The following SF3A1 variants were observed in gnomAD, a reference collection of about 807,000 sequenced individuals.
SF3A1 encodes splicing factor 3a subunit 1.
A neutral mutation model predicts 89.9 loss-of-function variants in SF3A1; 13 were observed. That is an observed-to-expected ratio of 0.14 (90% CI 0.09 to 0.23). SF3A1 has a LOEUF of 0.23. SF3A1 is among the 10% of genes least tolerant of loss of function. The probability of loss-of-function intolerance (pLI) is 1.00; values close to 1 mark genes in which losing one functional copy is unlikely to be tolerated. For synonymous variants in SF3A1, 405 were observed against 374.4 expected (o/e 1.08, Z -0.94); for missense variants, 604 against 1,022.1 (o/e 0.59, Z 5.58).
chr22:30,348,894 A>C (rs764373992), intron 2 of SF3A1, among the ~76,000 whole-genome samples: 4 of 152,190 alleles, frequency 2.6e-5, no homozygotes, highest in Non-Finnish European at 4.4e-5. Context: ...TCTGGGAACA[A>C]TCTGAAAAAT....
At position 30,334,484 on chromosome 22, in the gene SF3A1, A is replaced by C; in HGVS notation, c.*110T>G. 3.0e-6 allele frequency: 2 copies of C among 665,876 alleles called. No homozygotes were observed. Among genetic ancestry groups the C allele is most frequent in the Non-Finnish European group, 5.2e-6 (2 of 387,012 alleles). The allele number at this position is 665,876 out of a possible 1,614,324, so 41.2% of individuals were successfully genotyped here. Reference sequence around the variant, plus strand: ...TGAATTCCCAAACTGAGTAAGAGCGAAACAAATATGCAGGCAAGGCAAAGC... The same window carrying C: ...TGAATTCCCAAACTGAGTAAGAGCGCAACAAATATGCAGGCAAGGCAAAGC... On this transcript the variant is annotated 3_prime_UTR_variant, in exon 16 of 16. Coordinates refer to ENST00000215793, the MANE Select transcript of SF3A1 (RefSeq NM_005877.6).
rs747236893 is a variant in SF3A1, at chr22:30,342,204, C to T, written c.873G>A (p.Glu291=). 9.3e-6 allele frequency: 15 copies of T among 1,614,088 alleles called. No homozygotes were observed. In the Admixed American group the frequency reaches 2.5e-4, roughly 27 times the overall value. Residue 291 remains glutamate, a synonymous_variant, in exon 6 of 16, where the codon GAG becomes GAA. Coordinates refer to ENST00000215793, the MANE Select transcript of SF3A1 (RefSeq NM_005877.6). ...VVETVDFQPN[E]QGNFPPPTTP... is the part of the protein sequence containing the mutation. ...AGTCACTCCTCACAGACCTACCTTG[C>T]TCATTGGGTTGGAAGTCCACTGTTT...
rs1485296661 is a variant in SF3A1, at chr22:30,346,396, T to C, written c.309A>G (p.Glu103=). ...YYRHKVSEFK[E]GKAQEPSAAI... ...CGGCGGACGGCTCCTGAGCCTTCCC[T>C]TCCTTGAACTCGCTGACCTTGTGGC... is the stretch of plus-strand genomic sequence containing the variant. The change falls in exon 3 of 16, where the codon GAA becomes GAG. Residue 103 remains glutamate (E), a synonymous_variant. Transcript: ENST00000215793. 6.2e-7 allele frequency: 1 copy of C among 1,614,090 alleles called. No homozygotes were observed. Among genetic ancestry groups the C allele is most frequent in the Non-Finnish European group, 8.5e-7 (1 of 1,179,988 alleles).
rs924964438 is a variant in SF3A1 at position 30,333,938 on chromosome 22, T to C, written c.*656A>G. 1 of 152,226 alleles carries C rather than the reference T, an allele frequency of 6.6e-6. No individual in the cohort carries two copies. The highest frequency in any genetic ancestry group is 2.4e-5 in the African/African-American group (1 of 41,452). The allele number at this position is 152,226 out of a possible 1,614,324, so 9.4% of individuals were successfully genotyped here. On this transcript the variant is annotated 3_prime_UTR_variant, in exon 16 of 16. Transcript: ENST00000215793. ...CTGCACCATCCATCCTTGGTTTGCA[T>C]GGTGCCTGCCATGCTTCCTGTATTA...
At chr22:30,334,808 A>AG (rs2145799122) in intron 15 of SF3A1, 113 bp from the exon 16 acceptor site, 1 of 686,996 alleles carries the variant, frequency 1.5e-6, no homozygotes, top group African/African-American at 1.9e-5. Context: ...CAAATACAGG[A>AG]GCTTGTGAGA....
intron 2 of SF3A1, 104 bp downstream of exon 2, chr22:30,352,847 A>G: frequency 7.0e-7 from 1 of 1,421,170 alleles, no homozygotes; most frequent in Non-Finnish European, 9.6e-7. Context: ...ATGAACTAAA[A>G]GGCCCAAGCC....
chr22:30,346,535 A>C lies in SF3A1; in HGVS notation c.186-16T>G, dbSNP rs764856707. The C allele has an allele frequency of 1.8e-5, 29 of 1,613,580 alleles. No individual in the cohort carries two copies. The highest frequency in any genetic ancestry group is 2.5e-5 in the Non-Finnish European group (29 of 1,179,818). The stretch of plus-strand genomic sequence containing the variant: ...AGGCCCGTTTCTGGAGGAAGAAAAA[A>C]CAACAAGAATAAACACCACTCCCTT... On this transcript the variant is annotated splice_polypyrimidine_tract_variant and intron_variant, in intron 2 of 15. Transcript: ENST00000215793.
intron 3 of SF3A1, among the ~76,000 whole-genome samples, chr22:30,345,952 A>C (rs918995459): frequency 2.0e-5 from 3 of 152,160 alleles, no homozygotes; most frequent in Admixed American, 6.5e-5. Flanking sequence ...TGCATCCTTC[A>C]GCACAGCCAA....
intron 5 of SF3A1, 130 bp from the exon 6 acceptor site, chr22:30,342,480 T>C (rs1931290684): frequency 9.4e-7 from 1 of 1,063,350 alleles, no homozygotes; most frequent in Non-Finnish European, 1.3e-6. Flanking sequence ...TTCCAAACTA[T>C]GGCATTTGCA....
intron 2 of SF3A1, among the ~76,000 whole-genome samples, chr22:30,350,000 G>A (rs1448431556): frequency 6.6e-6 from 1 of 152,128 alleles, no homozygotes; most frequent in Non-Finnish European, 1.5e-5. Flanking sequence ...GCAGAGGATG[G>A]CACAAAATTA....
intron 5 of SF3A1, 157 bp downstream of exon 5, chr22:30,342,648 G>A (rs932800994): frequency 6.3e-6 from 4 of 639,612 alleles, no homozygotes; most frequent in Non-Finnish European, 1.1e-5. Context: ...GGAAGCATCC[G>A]GACTCCAGGT....
intron 4 of SF3A1, 90 bp downstream of exon 4, chr22:30,344,843 C>T (rs1343440279): frequency 6.8e-7 from 1 of 1,471,432 alleles, no homozygotes; most frequent in African/African-American, 1.4e-5. Flanking sequence ...AAGCGATGTC[C>T]TTGTAGACAG....
In SF3A1 at chr22:30,333,436, C is replaced by T. The variant is rs2145797379; in HGVS notation, c.*1158G>A. ...ATCTTCCCAATAAAATCAGCCTTAG[C>T]TTTAAAACCAGGAAATTGTTAGCAA... On this transcript the variant is annotated 3_prime_UTR_variant, in exon 16 of 16. Transcript: ENST00000215793. The T allele has an allele frequency of 6.6e-6, 1 of 152,350 alleles. No individual in the cohort carries two copies. Among genetic ancestry groups the T allele is most frequent in the East Asian group, 1.9e-4 (1 of 5,182 alleles). The allele number at this position is 152,350 out of a possible 1,614,324, so 9.4% of individuals were successfully genotyped here. A position where few individuals can be genotyped will look rare whatever the true frequency, so the allele number is the denominator to read the frequency against.
chr22:30,340,839 C>CAA, intron 7 of SF3A1, 27 bp from the exon 8 acceptor site: 1 of 1,339,944 alleles, frequency 7.5e-7, no homozygotes, highest in African/African-American at 1.5e-5. Context: ...TGGCAGGACT[C>CAA]AGAGAGGGGC....
intron 12 of SF3A1, among the ~76,000 whole-genome samples, chr22:30,337,435 G>A (rs1247645733): frequency 6.6e-6 from 1 of 152,172 alleles, no homozygotes; most frequent in East Asian, 1.9e-4. Flanking sequence ...GCATTTCTCA[G>A]GCCTCTGAGC....
intron 1 of SF3A1, among the ~76,000 whole-genome samples, chr22:30,354,556 T>G (rs1426404693): frequency 6.6e-6 from 1 of 152,184 alleles, no homozygotes; most frequent in African/African-American, 2.4e-5. Flanking sequence ...CAGTTTTTGG[T>G]GTCCTCCACT....
chr22:30,340,408 G>T (rs1931213071), intron 8 of SF3A1, 27 bp from the exon 9 acceptor site: 2 of 1,607,886 alleles, frequency 1.2e-6, no homozygotes, highest in South Asian at 2.2e-5. Flanking sequence ...GTTTCAGTAA[G>T]AACACTGGTG....
At chr22:30,335,779 G>A in intron 13 of SF3A1, 26 bp from the exon 14 acceptor site, 1 of 1,578,568 alleles carries the variant, frequency 6.3e-7, no homozygotes, top group South Asian at 1.1e-5. Context: ...TGGTCATTAT[G>A]CCTAGGGAGC....
intron 4 of SF3A1, among the ~76,000 whole-genome samples, chr22:30,343,243 CCT>C (rs760937874): frequency 1.2e-4 from 19 of 152,174 alleles, no homozygotes; most frequent in East Asian, 3.8e-4. Context: ...GCAGGTCCCC[CCT>C]GACTATCCTA....
Sources: gnomAD v4.1 joint callset for allele counts (sites outside exome capture counted in the v4.1 genomes callset) on GRCh38, gnomAD v4.1.1 for gene constraint, MANE v1.5 for transcripts, NCBI Gene and HGNC (gene_info 2026-07-23, HGNC 2026-07-21) for gene names.